The following SH3TC1 variants were observed in gnomAD, a reference collection of about 807,000 sequenced individuals.
The protein encoded by SH3TC1 is SH3 domain and tetratricopeptide repeat-containing protein 1.
Under a neutral mutation model 117.3 loss-of-function variants are expected in SH3TC1, and 135 were observed. The observed-to-expected ratio is 1.15, with a 90% CI of 1.00 to 1.33. The LOEUF is 1.33. Among genes scored for constraint, SH3TC1 ranks in the 40% most tolerant of loss-of-function variants. The pLI, the probability that SH3TC1 is intolerant of heterozygous loss-of-function variation, is 0.00. For synonymous variants in SH3TC1, 898 were observed against 816.9 expected, an observed-to-expected ratio of 1.10 and a Z score of -1.69; for missense variants, 2,092 against 1,794.3, an observed-to-expected ratio of 1.17 and a Z score of -3.00.
chr4:8,214,542 T>C lies in SH3TC1; in HGVS notation c.443T>C (p.Phe148Ser). 6.2e-7 allele frequency: 1 copy of C among 1,613,976 alleles called. No individual in the cohort carries two copies. The highest frequency in any genetic ancestry group is 8.5e-7 in the Non-Finnish European group (1 of 1,179,996). Residue 148 changes from phenylalanine to serine, a missense_variant, in exon 5 of 18, where the codon TTT (phenylalanine) becomes TCT (serine). Transcript: ENST00000245105. ...QDRIVVTFKT[F>S]EEIWKFSTYH... is the part of the protein sequence containing the mutation. The stretch of plus-strand genomic sequence containing the variant: ...CGGATCGTGGTGACGTTTAAGACTT[T>C]TGAAGAAATCTGGAAGTTTTCCACC...
In SH3TC1 at chr4:8,227,377, G is replaced by T. The variant is rs1361652211; in HGVS notation, c.1683G>T (p.Arg561Ser). Reference sequence around the variant, plus strand: ...CTGGCCTCCTCATGGCCCTGGCCAGGCTCTGCTTCCTCCTGGGGCGGCTGT... The same window carrying T: ...CTGGCCTCCTCATGGCCCTGGCCAGTCTCTGCTTCCTCCTGGGGCGGCTGT... ...KKAGLLMALA[R>S]LCFLLGRLCS... The change falls in exon 12 of 18, where the codon AGG (arginine) becomes AGT (serine). Residue 561 changes from arginine to serine, a missense_variant. Arg to Ser is a moderately radical substitution (Grantham distance 110). Transcript: ENST00000245105. The T allele has an allele frequency of 5.1e-6, 8 of 1,562,618 alleles. No homozygotes were observed. The highest frequency in any genetic ancestry group is 6.1e-6 in the Non-Finnish European group (7 of 1,154,578).
chr4:8,228,514 G>A lies in SH3TC1; in HGVS notation c.2820G>A (p.Glu940=). 1.2e-6 allele frequency: 2 copies of A among 1,611,512 alleles called. No individual in the cohort carries two copies. The highest frequency in any genetic ancestry group is 1.7e-6 in the Non-Finnish European group (2 of 1,179,556). ...VRLFSRLPLG[E]CGRDFTHVLL... The stretch of plus-strand genomic sequence containing the variant: ...TGTTCTCGAGGCTGCCCCTTGGGGA[G>A]TGTGGCCGGGACTTCACCCACGTGC... Residue 940 remains glutamate, a synonymous_variant, in exon 12 of 18, where the codon GAG becomes GAA. Coordinates refer to ENST00000245105, the MANE Select transcript of SH3TC1 (RefSeq NM_018986.5).
chr4:8,239,345 G>A (rs376617254), intron 17 of SH3TC1, among the ~76,000 whole-genome samples: 27 of 146,876 alleles, frequency 1.8e-4, no homozygotes, highest in African/African-American at 2.7e-4. Context: ...ACATGGACAC[G>A]CACACGCAAA....
Position 8,240,751 on chromosome 4 carries a change from C to G in SH3TC1, c.3807C>G (p.Asp1269Glu). Residue 1269 changes from aspartate to glutamate, a missense_variant, in exon 18 of 18, where the codon GAC becomes GAG. Transcript: ENST00000245105. Reference protein sequence around the residue: ...YYQLALAAAVDLGNKKAQLKI... With the variant: ...YYQLALAAAVELGNKKAQLKI... ...AGCTGGCGCTGGCAGCCGCCGTGGA[C>G]CTGGGCAACAAGAAGGCACAGCTGA... 1 of 1,612,250 alleles carries G rather than the reference C, an allele frequency of 6.2e-7. No individual in the cohort carries two copies. The highest frequency in any genetic ancestry group is 8.5e-7 in the Non-Finnish European group (1 of 1,179,206).
intron 16 of SH3TC1, chr4:8,236,892 G>C (rs535129268): frequency 6.1e-6 from 1 of 164,056 alleles, no homozygotes; most frequent in African/African-American, 2.4e-5. Context: ...CCTCTAGAGA[G>C]AGGGAGCCCC....
chr4:8,240,906 T>C lies in SH3TC1; in HGVS notation c.3962T>C (p.Leu1321Pro). ...LNVRRVNLPP[L>P]PLCGWAPWLA... is the part of the protein sequence containing the mutation. ...GTCCGCAGGGTCAACCTGCCTCCTC[T>C]GCCACTCTGCGGGTGGGCCCCCTGG... Residue 1321 changes from leucine to proline, a missense_variant, in exon 18 of 18, where the codon CTG (leucine) becomes CCG (proline). Transcript: ENST00000245105. 6.2e-7 allele frequency: 1 copy of C among 1,612,910 alleles called. No homozygotes were observed. The highest frequency in any genetic ancestry group is 8.5e-7 in the Non-Finnish European group (1 of 1,180,018).
Position 8,217,130 on chromosome 4 carries a change from G to A in SH3TC1, c.802G>A (p.Val268Met), listed in dbSNP as rs1395521573. The stretch of plus-strand genomic sequence containing the variant: ...CAGCGTGTCCTCCGAGGAGGTGGCA[G>A]TGGCGGCCGCCCCGGAGCCTTTGAT... ...SPSVSSEEVA[V>M]AAAPEPLIPF... is the part of the protein sequence containing the mutation. The change falls in exon 7 of 18, where the codon GTG (valine) becomes ATG (methionine). Residue 268 changes from valine (V) to methionine (M), a missense_variant. By Grantham distance (21) the Val-to-Met change is conservative (BLOSUM62 1). Coordinates refer to ENST00000245105, the MANE Select transcript of SH3TC1 (RefSeq NM_018986.5). 3.1e-6 allele frequency: 5 copies of A among 1,613,106 alleles called. No homozygotes were observed. The highest frequency in any genetic ancestry group is 2.2e-5 in the South Asian group (2 of 91,032).
chr4:8,220,313 CT>C (rs546828018), intron 9 of SH3TC1, among the ~76,000 whole-genome samples: 9 of 152,122 alleles, frequency 5.9e-5, no homozygotes, highest in South Asian at 2.1e-4. Context: ...CACGTGTGTC[CT>C]TCTGCCTGGG....
At chr4:8,236,588 C>G (rs1721841085) in intron 16 of SH3TC1, 160 bp downstream of exon 16, 1 of 960,862 alleles carries the variant, frequency 1.0e-6, no homozygotes, top group Non-Finnish European at 1.5e-6. Flanking sequence ...CCGTGGGGCA[C>G]AGCCCGAGGT....
intron 1 of SH3TC1, among the ~76,000 whole-genome samples, chr4:8,185,683 C>T (rs1717199557): frequency 6.6e-6 from 1 of 152,242 alleles, no homozygotes; most frequent in African/African-American, 2.4e-5. Context: ...CAGCTGCTGG[C>T]TACCTGTTGT....
intron 16 of SH3TC1, 109 bp downstream of exon 16, chr4:8,236,537 G>A: frequency 7.3e-7 from 1 of 1,377,346 alleles, no homozygotes; most frequent in Non-Finnish European, 9.5e-7. Flanking sequence ...CTGGTCTCCT[G>A]TCCAGGCAGG....
chr4:8,197,254 G>C (rs1200013169), upstream of SH3TC1, among the ~76,000 whole-genome samples: 1 of 152,150 alleles, frequency 6.6e-6, no homozygotes, highest in African/African-American at 2.4e-5. Flanking sequence ...GGCCTCCCCT[G>C]GAGCTTCTGG....
chr4:8,210,367 C>T lies in SH3TC1; in HGVS notation c.247+545C>T, dbSNP rs1718554747. On this transcript the variant is annotated intron_variant, in intron 3 of 17. Coordinates refer to ENST00000245105, the MANE Select transcript of SH3TC1 (RefSeq NM_018986.5). The surrounding 1 kb of genome is among the most constrained non-coding windows in gnomAD (Gnocchi z 4.1). ...CCCAGCATCCATTGCTGGCTTTGCC[C>T]CTTGGCGGTGATGCCCGACTGTCCT... 6.6e-6 allele frequency among the ~76,000 whole-genome samples: 1 copy of T among 152,272 alleles called. No homozygotes were observed. Among genetic ancestry groups the T allele is most frequent in the Admixed American group, 6.5e-5 (1 of 15,294 alleles).
At chr4:8,216,784 G>A (rs975661650) in intron 6 of SH3TC1, among the ~76,000 whole-genome samples, 173 bp from the exon 7 acceptor site, 1 of 152,180 alleles carries the variant, frequency 6.6e-6, no homozygotes, top group Non-Finnish European at 1.5e-5. Flanking sequence ...CTGGGACCTC[G>A]CCCTGGGCCC....
chr4:8,240,727 G>A lies in SH3TC1; in HGVS notation c.3783G>A (p.Gln1261=). 1 of 1,613,844 alleles carries A rather than the reference G, an allele frequency of 6.2e-7. No homozygotes were observed. Among genetic ancestry groups the A allele is most frequent in the South Asian group, 1.1e-5 (1 of 91,084 alleles). The change falls in exon 18 of 18, where the codon CAG becomes CAA. Residue 1261 remains glutamine, a synonymous_variant. Transcript: ENST00000245105. ...KDPFDAAGYY[Q]LALAAAVDLG... ...CGTTTGATGCAGCCGGGTACTACCA[G>A]CTGGCGCTGGCAGCCGCCGTGGACC...
In SH3TC1 at chr4:8,227,655, G is replaced by A. The variant is rs768397737; in HGVS notation, c.1961G>A (p.Arg654Gln). 50 of 1,527,462 alleles carry A rather than the reference G, an allele frequency of 3.3e-5. No individual in the cohort carries two copies. Among genetic ancestry groups the A allele is most frequent in the Non-Finnish European group, 4.1e-5 (47 of 1,139,740 alleles). 94.6% of individuals were successfully genotyped at this position (1,527,462 alleles called of 1,614,324 possible). ...GAGCTCCTGCAGCTGGCGCTGCGGC[G>A]GGCGGTGGGTGGCCAGAGCCTGCAG... is the stretch of plus-strand genomic sequence containing the variant. ...EGELLQLALR[R>Q]AVGGQSLQAE... Residue 654 changes from arginine to glutamine, a missense_variant, in exon 12 of 18, where the codon CGG (arginine) becomes CAG (glutamine). Arg to Gln is a conservative substitution (Grantham distance 43, BLOSUM62 1). Transcript: ENST00000245105.
Position 8,219,596 on chromosome 4 carries a change from C to T in SH3TC1, c.1112+66C>T, listed in dbSNP as rs112885676. 3.6e-4 allele frequency: 501 copies of T among 1,390,818 alleles called. 2 individuals are homozygous for T. In the African/African-American group the frequency reaches 6.5e-3, roughly 18 times the overall value. The allele number at this position is 1,390,818 out of a possible 1,614,324, so 86.2% of individuals were successfully genotyped here. On this transcript the variant is annotated intron_variant, in intron 9 of 17. Coordinates refer to ENST00000245105, the MANE Select transcript of SH3TC1 (RefSeq NM_018986.5). Reference sequence around the variant, plus strand: ...CATCTCACCTAAGGGGACGTTGCTGCGTCCACCTGGCTCCCCAGGTAACAA... The same window carrying T: ...CATCTCACCTAAGGGGACGTTGCTGTGTCCACCTGGCTCCCCAGGTAACAA...
intron 1 of SH3TC1, among the ~76,000 whole-genome samples, chr4:8,204,264 G>A (rs2152978181): frequency 6.6e-6 from 1 of 152,344 alleles, no homozygotes; most frequent in South Asian, 2.1e-4. Flanking sequence ...ATCTTGCTGG[G>A]CGGGGAGATG....
intron 12 of SH3TC1, chr4:8,231,220 C>T (rs763851047): frequency 1.3e-5 from 2 of 152,252 alleles, no homozygotes; most frequent in Non-Finnish European, 2.9e-5. Flanking sequence ...CTGTTGATGT[C>T]CAGTTTCACG....
Sources: allele counts gnomAD v4.1 joint callset (sites outside exome capture counted in the v4.1 genomes callset), GRCh38; gene constraint gnomAD v4.1.1; non-coding constraint Gnocchi (gnomAD v3.1); transcripts MANE v1.5; gene names NCBI Gene and HGNC (gene_info 2026-07-23, HGNC 2026-07-21).